DCLK2: variants seen among roughly 807,000 people sequenced by gnomAD.
The protein encoded by DCLK2 is serine/threonine-protein kinase DCLK2.
DCLK2 carries 31 observed loss-of-function variants against 78.4 expected under a neutral mutation model. That is an observed-to-expected ratio of 0.40 (90% CI 0.30 to 0.53). The LOEUF is 0.53. Ranked by LOEUF, DCLK2 falls within the 20% of genes least tolerant of loss-of-function variation. DCLK2 has a pLI of 0.61. For missense variants in DCLK2, 872 were observed against 973.7 expected (o/e 0.90, Z 1.39); for synonymous variants, 407 against 374.9 (o/e 1.09, Z -0.99).
At chr4:150,221,461 T>C (rs1484665257) in intron 6 of DCLK2, among the ~76,000 whole-genome samples, 1 of 152,206 alleles carries the variant, frequency 6.6e-6, no homozygotes, top group Non-Finnish European at 1.5e-5. Flanking sequence ...AGGGATTTGT[T>C]AGGTTTATTG....
At chr4:150,184,062 A>T (rs1053450352) in intron 2 of DCLK2, among the ~76,000 whole-genome samples, 1 of 152,196 alleles carries the variant, frequency 6.6e-6, no homozygotes, top group Non-Finnish European at 1.5e-5. Flanking sequence ...TATGCATTCA[A>T]CAGAAATGTA....
chr4:150,176,929 C>T (rs957245932), intron 2 of DCLK2, among the ~76,000 whole-genome samples: 11 of 152,142 alleles, frequency 7.2e-5, no homozygotes, highest in African/African-American at 2.7e-4. Flanking sequence ...AATTGACACC[C>T]CTAGAGATTT....
chr4:150,092,557 G>A (rs553742382), intron 1 of DCLK2, among the ~76,000 whole-genome samples: 5 of 152,150 alleles, frequency 3.3e-5, no homozygotes, highest in Admixed American at 1.3e-4. Context: ...TATTGATGTT[G>A]AGCATCTTTT....
intron 5 of DCLK2, among the ~76,000 whole-genome samples, chr4:150,208,638 G>T (rs992152407): frequency 1.3e-5 from 2 of 152,020 alleles, no homozygotes; most frequent in Admixed American, 1.3e-4. Context: ...AGGAAATCCT[G>T]GGGTTAGGGA....
At chr4:150,087,217 C>T (rs1729711488) in intron 1 of DCLK2, among the ~76,000 whole-genome samples, 1 of 152,146 alleles carries the variant, frequency 6.6e-6, no homozygotes, top group Admixed American at 6.5e-5. Flanking sequence ...TGAGGTCGCC[C>T]TAAGTACTTT....
At chr4:150,241,401 C>T (rs1485098458) in intron 12 of DCLK2, among the ~76,000 whole-genome samples, 2 of 152,186 alleles carry the variant, frequency 1.3e-5, no homozygotes, top group Non-Finnish European at 2.9e-5. Flanking sequence ...TGATGAGTTT[C>T]ATCTCCCCCT....
At chr4:150,090,281 C>T (rs535161658) in intron 1 of DCLK2, among the ~76,000 whole-genome samples, 27 of 152,338 alleles carry the variant, frequency 1.8e-4, no homozygotes, top group African/African-American at 6.5e-4. Flanking sequence ...TGGCGCACGA[C>T]TGTAATCCCA....
At chr4:150,175,978 C>G (rs1042497948) in intron 2 of DCLK2, among the ~76,000 whole-genome samples, 1 of 152,196 alleles carries the variant, frequency 6.6e-6, no homozygotes, top group Non-Finnish European at 1.5e-5. Context: ...GCCAGAGTAT[C>G]TTTAAATCGT....
At chr4:150,200,984 AT>A (rs1739406609) in intron 4 of DCLK2, among the ~76,000 whole-genome samples, 1 of 151,826 alleles carries the variant, frequency 6.6e-6, no homozygotes, top group Admixed American at 6.6e-5. Context: ...CGCCTGGCTA[AT>A]TTTTGTATTT....
chr4:150,213,599 A>AT (rs899783204), intron 5 of DCLK2, among the ~76,000 whole-genome samples: 51 of 151,732 alleles, frequency 3.4e-4, no homozygotes, highest in South Asian at 8.3e-4. Context: ...TATCTAGTGT[A>AT]TTTTTTTTTA....
chr4:150,244,658 T>G (rs1313962386), intron 12 of DCLK2, among the ~76,000 whole-genome samples: 1 of 152,270 alleles, frequency 6.6e-6, no homozygotes, highest in Non-Finnish European at 1.5e-5. Context: ...ATCAATGCGA[T>G]ACCGGATCCA....
At chr4:150,152,940 A>G (rs184440728) in intron 2 of DCLK2, among the ~76,000 whole-genome samples, 11 of 152,342 alleles carry the variant, frequency 7.2e-5, no homozygotes, top group Admixed American at 2.6e-4. Flanking sequence ...CAAATGCTTT[A>G]AGATGTTAAA....
intron 2 of DCLK2, among the ~76,000 whole-genome samples, chr4:150,121,547 C>A (rs1732540566): frequency 1.3e-5 from 2 of 152,220 alleles, no homozygotes; most frequent in Non-Finnish European, 2.9e-5. Context: ...ACTTCTTTTG[C>A]TGAAGTGTTA....
intron 2 of DCLK2, among the ~76,000 whole-genome samples, chr4:150,127,304 G>C (rs1205480010): frequency 6.6e-6 from 1 of 152,196 alleles, no homozygotes; most frequent in Non-Finnish European, 1.5e-5. Flanking sequence ...GCCCACACCA[G>C]TTATTACTGT....
chr4:150,118,991 C>T (rs1404186964), intron 2 of DCLK2, among the ~76,000 whole-genome samples: 4 of 151,996 alleles, frequency 2.6e-5, no homozygotes, highest in Non-Finnish European at 5.9e-5. Context: ...CGCCACTGCA[C>T]TCCAGCCTCG....
At chr4:150,107,829 G>T (rs796396542) in intron 2 of DCLK2, among the ~76,000 whole-genome samples, 5 of 152,214 alleles carry the variant, frequency 3.3e-5, no homozygotes, top group African/African-American at 1.2e-4. Context: ...AGGTTAGCTG[G>T]GCATGGTGAT....
chr4:150,103,900 T>A (rs1731053973), intron 2 of DCLK2, among the ~76,000 whole-genome samples: 1 of 152,160 alleles, frequency 6.6e-6, no homozygotes, highest in Non-Finnish European at 1.5e-5. Flanking sequence ...CCCCCAAATA[T>A]GTGTGAATGA....
At chr4:150,162,180 G>A (rs540842896) in intron 2 of DCLK2, among the ~76,000 whole-genome samples, 8 of 152,110 alleles carry the variant, frequency 5.3e-5, no homozygotes, top group South Asian at 2.1e-4. Context: ...ATAGGCATGC[G>A]CCACCATGCC....
intron 2 of DCLK2, among the ~76,000 whole-genome samples, chr4:150,172,222 C>G (rs912842893): frequency 4.6e-5 from 7 of 152,086 alleles, no homozygotes; most frequent in African/African-American, 1.7e-4. Context: ...GAAAGAGCCC[C>G]TCTCTTATTC....
Sources: gnomAD v4.1 joint callset for allele counts (sites outside exome capture counted in the v4.1 genomes callset) on GRCh38, gnomAD v4.1.1 for gene constraint, MANE v1.5 for transcripts, NCBI Gene and HGNC (gene_info 2026-07-23, HGNC 2026-07-21) for gene names.